Variants in LPAR3 observed in about 807,000 individuals in gnomAD.
LPAR3 encodes LPA receptor 3.
Under a neutral mutation model 17.8 loss-of-function variants are expected in LPAR3, and 7 were observed. The observed-to-expected ratio is 0.39, with a 90% CI of 0.22 to 0.74. The LOEUF is 0.74. Ranked by LOEUF, LPAR3 falls within the 30% of genes least tolerant of loss-of-function variation. The pLI, the probability that LPAR3 is intolerant of heterozygous loss-of-function variation, is 0.40. For synonymous variants in LPAR3, 179 were observed against 179.9 expected, an observed-to-expected ratio of 0.99 and a Z score of 0.04; for missense variants, 391 against 453.4, an observed-to-expected ratio of 0.86 and a Z score of 1.25.
chr1:84,889,213 T>C (rs7416460), intron 1 of LPAR3, among the ~76,000 whole-genome samples: 100,582 of 151,862 alleles, frequency 0.66, 33,742 homozygotes, highest in East Asian at 0.85. Flanking sequence ...TCCCCCACCC[T>C]CCAGCTGGCT....
intron 1 of LPAR3, among the ~76,000 whole-genome samples, chr1:84,872,586 G>T (rs1231845430): frequency 6.6e-6 from 1 of 152,082 alleles, no homozygotes; most frequent in Non-Finnish European, 1.5e-5. Context: ...AAACATCCAT[G>T]AGTCCATACT....
At chr1:84,851,174 A>C (rs1261977924) in intron 2 of LPAR3, among the ~76,000 whole-genome samples, 4 of 152,224 alleles carry the variant, frequency 2.6e-5, no homozygotes, top group Non-Finnish European at 4.4e-5. Context: ...AATTTTTAAA[A>C]ATCCCTTTTT....
chr1:84,876,387 GAGAGGAACAGCA>G, intron 1 of LPAR3, among the ~76,000 whole-genome samples: 1 of 152,154 alleles, frequency 6.6e-6, no homozygotes, highest in Non-Finnish European at 1.5e-5. Flanking sequence ...TTCTGCCAAT[GAGAGGAACAGCA>G]AGAGATTGGA....
At chr1:84,862,798 A>T (rs988080630) in intron 2 of LPAR3, among the ~76,000 whole-genome samples, 3 of 152,122 alleles carry the variant, frequency 2.0e-5, no homozygotes, top group African/African-American at 4.8e-5. Context: ...ACAGAAATGT[A>T]CTCCTGAATC....
intron 2 of LPAR3, among the ~76,000 whole-genome samples, chr1:84,821,231 G>A (rs1659047508): frequency 6.6e-6 from 1 of 151,788 alleles, no homozygotes; most frequent in South Asian, 2.1e-4. Flanking sequence ...ACTAAAGAAA[G>A]AGACGGAGGA....
intron 2 of LPAR3, among the ~76,000 whole-genome samples, chr1:84,833,691 A>C (rs950851323): frequency 8.5e-5 from 13 of 152,192 alleles, no homozygotes; most frequent in African/African-American, 3.1e-4. Flanking sequence ...GGTGTATTTA[A>C]CCTGTTAGCC....
At position 84,855,664 on chromosome 1, in the gene LPAR3, A is replaced by G. The variant is rs534827865; in HGVS notation, c.736+9721T>C. ...AAGCTGAGTGCATTTGGTGTAATGGAACTGAAGGGGTCTGGACCAGAGGAA... is the reference window on the plus strand; with the variant it reads ...AAGCTGAGTGCATTTGGTGTAATGGGACTGAAGGGGTCTGGACCAGAGGAA... On this transcript the variant is annotated intron_variant, in intron 2 of 2. Coordinates refer to ENST00000370611, the MANE Select transcript of LPAR3 (RefSeq NM_012152.3). Among the ~76,000 whole-genome samples the G allele has an allele frequency of 6.6e-5, 10 of 152,324 alleles. No individual in the cohort carries two copies. The East Asian group carries it at 1.9e-3, about 29-fold the overall frequency.
rs1474330443 is a variant in LPAR3 at position 84,835,898 on chromosome 1, A to G, written c.737-21727T>C. ...GACATCCATATACTACATACTTTCT[A>G]GAGCATTTTCTTTATTTAACTAGCA... On this transcript the variant is annotated intron_variant, in intron 2 of 2. Transcript: ENST00000370611. Among the ~76,000 whole-genome samples the G allele has an allele frequency of 2.6e-5, 4 of 151,450 alleles. No individual in the cohort carries two copies. In the East Asian group the frequency reaches 7.8e-4, roughly 30 times the overall value.
chr1:84,844,490 C>T lies in LPAR3; in HGVS notation c.736+20895G>A, dbSNP rs72718711. ...AACAAAATTTTAAACATGCATTTTC[C>T]TGACCTACTAATTCTTGAATAAATA... is the stretch of plus-strand genomic sequence containing the variant. On this transcript the variant is annotated intron_variant, in intron 2 of 2. Transcript: ENST00000370611. 9.5e-3 allele frequency among the ~76,000 whole-genome samples: 1,443 copies of T among 152,278 alleles called. 13 individuals carry two copies. The highest frequency in any genetic ancestry group is 0.043 in the South Asian group (205 of 4,816).
intron 2 of LPAR3, among the ~76,000 whole-genome samples, chr1:84,847,099 A>T (rs1659606725): frequency 6.6e-6 from 1 of 152,142 alleles, no homozygotes; most frequent in Non-Finnish European, 1.5e-5. Flanking sequence ...TTGTTCTTTT[A>T]GTCATCCAAA....
intron 2 of LPAR3, 53 bp downstream of exon 2, chr1:84,865,332 A>G: frequency 6.5e-7 from 1 of 1,536,168 alleles, no homozygotes; most frequent in Non-Finnish European, 8.8e-7. Context: ...GATGCTCCGT[A>G]AAGATTTGCT....
chr1:84,814,111 C>G lies in LPAR3; in HGVS notation c.797G>C (p.Cys266Ser). Reference protein sequence around the residue: ...LVVLLLDGLNCRQCGVQHVKR... With the variant: ...LVVLLLDGLNSRQCGVQHVKR... ...CACATGCTGCACGCCACACTGCCTG[C>G]AGTTCAGGCCGTCGAGGAGCAGAAC... is the stretch of plus-strand genomic sequence containing the variant. The change falls in exon 3 of 3, where the codon TGC becomes TCC. Residue 266 changes from cysteine to serine, a missense_variant. Coordinates refer to ENST00000370611, the MANE Select transcript of LPAR3 (RefSeq NM_012152.3). The G allele has an allele frequency of 6.2e-7, 1 of 1,614,154 alleles. No individual in the cohort carries two copies. The highest frequency in any genetic ancestry group is 8.5e-7 in the Non-Finnish European group (1 of 1,180,042).
chr1:84,864,941 C>A (rs1362990245), intron 2 of LPAR3, among the ~76,000 whole-genome samples: 2 of 152,062 alleles, frequency 1.3e-5, no homozygotes, highest in African/African-American at 4.8e-5. Flanking sequence ...GGCTTCCTGG[C>A]TGGTCAGGGC....
chr1:84,884,670 C>T (rs1448661018), intron 1 of LPAR3, among the ~76,000 whole-genome samples: 1 of 152,142 alleles, frequency 6.6e-6, no homozygotes, highest in Non-Finnish European at 1.5e-5. Flanking sequence ...TTTTACTTTC[C>T]CCATCAACAA....
At chr1:84,819,704 T>C (rs1051880810) in intron 2 of LPAR3, among the ~76,000 whole-genome samples, 6 of 152,178 alleles carry the variant, frequency 3.9e-5, no homozygotes, top group Non-Finnish European at 8.8e-5. Flanking sequence ...AAAATAAATA[T>C]ACAAAGAGTG....
At chr1:84,879,084 G>A (rs1444703420) in intron 1 of LPAR3, among the ~76,000 whole-genome samples, 3 of 151,846 alleles carry the variant, frequency 2.0e-5, no homozygotes, top group Non-Finnish European at 4.4e-5. Flanking sequence ...CTCTAGCCTC[G>A]ACCCTCAGGC....
intron 2 of LPAR3, among the ~76,000 whole-genome samples, chr1:84,820,598 C>T (rs1659034154): frequency 1.3e-5 from 2 of 152,120 alleles, no homozygotes; most frequent in Non-Finnish European, 2.9e-5. Flanking sequence ...GAGGTGAACA[C>T]AGGGCTAGAT....
At chr1:84,838,062 C>G (rs1452205655) in intron 2 of LPAR3, among the ~76,000 whole-genome samples, 1 of 152,098 alleles carries the variant, frequency 6.6e-6, no homozygotes, top group Non-Finnish European at 1.5e-5. Flanking sequence ...AAACACAGTT[C>G]TAGCATGTAT....
intron 2 of LPAR3, among the ~76,000 whole-genome samples, chr1:84,821,993 A>G (rs1659069570): frequency 6.6e-6 from 1 of 152,200 alleles, no homozygotes; most frequent in South Asian, 2.1e-4. Context: ...CATGGGTCAG[A>G]ACTCTGAGAG....
Sources: allele counts gnomAD v4.1 joint callset (sites outside exome capture counted in the v4.1 genomes callset), GRCh38; gene constraint gnomAD v4.1.1; transcripts MANE v1.5; gene names NCBI Gene and HGNC (gene_info 2026-07-23, HGNC 2026-07-21).